HECTD2: variants seen among roughly 807,000 people sequenced by gnomAD.
HECTD2 encodes probable E3 ubiquitin-protein ligase HECTD2.
A neutral mutation model predicts 103.2 loss-of-function variants in HECTD2; 35 were observed. The observed-to-expected ratio is 0.34, with a 90% CI of 0.26 to 0.45. The LOEUF is 0.45. Ranked by LOEUF, HECTD2 falls within the 20% of genes least tolerant of loss-of-function variation. The pLI, the probability that HECTD2 is intolerant of heterozygous loss-of-function variation, is 1.00. For missense variants in HECTD2, 596 were observed against 937.4 expected, an observed-to-expected ratio of 0.64 and a Z score of 4.76; for synonymous variants, 281 against 329.9, an observed-to-expected ratio of 0.85 and a Z score of 1.61.
In HECTD2 at chr10:91,492,512, CTG is replaced by C. The variant is rs1189963613; in HGVS notation, c.1432+32_1432+33del. On this transcript the variant is annotated intron_variant, in intron 13 of 20. Coordinates refer to ENST00000298068, the MANE Select transcript of HECTD2 (RefSeq NM_182765.6). Reference sequence around the variant, plus strand: ...AAGTATGTAATCTAATTTTTATAAACTGTGTTTCTTCATAATTGTTAGAGTGA... The same window carrying C: ...AAGTATGTAATCTAATTTTTATAAACTGTTTCTTCATAATTGTTAGAGTGA... The C allele has an allele frequency of 7.1e-6, 11 of 1,544,136 alleles. No homozygotes were observed. In the Admixed American group the frequency reaches 8.7e-5, roughly 12 times the overall value.
intron 2 of HECTD2, among the ~76,000 whole-genome samples, chr10:91,440,046 C>A (rs1036005460): frequency 6.6e-6 from 1 of 152,074 alleles, no homozygotes; most frequent in African/African-American, 2.4e-5. Flanking sequence ...AATTTGACTT[C>A]CTCTCTTCCT....
At chr10:91,444,506 G>A (rs886680631) in intron 2 of HECTD2, among the ~76,000 whole-genome samples, 1 of 152,128 alleles carries the variant, frequency 6.6e-6, no homozygotes, top group Non-Finnish European at 1.5e-5. Context: ...AATGGAACTT[G>A]AATTAGAAAG....
intron 20 of HECTD2, among the ~76,000 whole-genome samples, chr10:91,502,612 A>T (rs548281985): frequency 1.3e-5 from 2 of 152,132 alleles, no homozygotes; most frequent in East Asian, 1.9e-4. Flanking sequence ...AAATATTTAC[A>T]TATATAATTA....
Position 91,492,332 on chromosome 10 carries a change from TG to T in HECTD2, c.1300-19del. On this transcript the variant is annotated intron_variant, in intron 12 of 20. Transcript: ENST00000298068. ...TTCACTGCTCTTTGTTCTCCTCTAC[TG>T]TATAATATCTTCAAATAGCTAACCC... 6.2e-7 allele frequency: 1 copy of T among 1,605,596 alleles called. No homozygotes were observed. The highest frequency in any genetic ancestry group is 1.1e-5 in the South Asian group (1 of 90,522).
chr10:91,452,162 A>G (rs1390577176), intron 2 of HECTD2, among the ~76,000 whole-genome samples: 2 of 152,136 alleles, frequency 1.3e-5, no homozygotes, highest in East Asian at 1.9e-4. Context: ...AAAAGGTGTT[A>G]CAGTCCTATT....
intron 2 of HECTD2, among the ~76,000 whole-genome samples, chr10:91,428,308 C>G (rs955513382): frequency 2.7e-5 from 4 of 147,910 alleles, no homozygotes; most frequent in African/African-American, 1.0e-4. Context: ...AGTCAGGTAG[C>G]GTGATGCCTC....
intron 2 of HECTD2, among the ~76,000 whole-genome samples, chr10:91,438,848 A>G (rs538702742): frequency 6.6e-6 from 1 of 152,076 alleles, no homozygotes; most frequent in East Asian, 1.9e-4. Context: ...GCTTTTTTTC[A>G]TATGTTTGTT....
chr10:91,498,711 C>A (rs2133343795), intron 16 of HECTD2, among the ~76,000 whole-genome samples, 161 bp from the exon 17 acceptor site: 1 of 152,192 alleles, frequency 6.6e-6, no homozygotes, highest in Non-Finnish European at 1.5e-5. Flanking sequence ...CTTTTATGAT[C>A]CCTCGTTCTT....
At chr10:91,416,468 A>G (rs554858842) in intron 1 of HECTD2, among the ~76,000 whole-genome samples, 1 of 152,326 alleles carries the variant, frequency 6.6e-6, no homozygotes, top group African/African-American at 2.4e-5. Flanking sequence ...ACAGTTGTCT[A>G]CAGTATTCAG....
intron 1 of HECTD2, among the ~76,000 whole-genome samples, chr10:91,422,116 C>T (rs918001287): frequency 1.3e-5 from 2 of 152,050 alleles, no homozygotes; most frequent in Non-Finnish European, 2.9e-5. Context: ...TCATATCTTG[C>T]TTAGAAGTCC....
chr10:91,451,069 C>T (rs1337095676), intron 2 of HECTD2, among the ~76,000 whole-genome samples: 1 of 152,108 alleles, frequency 6.6e-6, no homozygotes, highest in East Asian at 1.9e-4. Context: ...GACACATGCA[C>T]ACATATGTTT....
At chr10:91,441,905 TTTC>T (rs1844406503) in intron 2 of HECTD2, among the ~76,000 whole-genome samples, 2 of 131,884 alleles carry the variant, frequency 1.5e-5, no homozygotes, top group African/African-American at 3.8e-5. Flanking sequence ...TTTTTTTTTT[TTTC>T]TTTTTTTTTT....
In HECTD2 at chr10:91,512,368, G is replaced by A; in HGVS notation, c.2315G>A (p.Gly772Asp). ...ATCATTGGAATTTCAAATTCAGAAG[G>A]TTTTGGACTTGAGTAACCTAGAAGA... ...KLIIGISNSE[G>D]FGLE The change falls in exon 21 of 21, where the codon GGT (glycine) becomes GAT (aspartate). Residue 772 changes from glycine (G) to aspartate (D), a missense_variant. Transcript: ENST00000298068. The A allele has an allele frequency of 6.2e-7, 1 of 1,613,412 alleles. No homozygotes were observed.
At chr10:91,458,075 T>G (rs1845188461) in intron 2 of HECTD2, among the ~76,000 whole-genome samples, 1 of 145,328 alleles carries the variant, frequency 6.9e-6, no homozygotes, top group Non-Finnish European at 1.5e-5. Context: ...CTAGAATTAA[T>G]AAGTGAGTTC....
chr10:91,474,696 A>ACAT (rs1845843816), intron 5 of HECTD2, among the ~76,000 whole-genome samples: 1 of 152,228 alleles, frequency 6.6e-6, no homozygotes, highest in Non-Finnish European at 1.5e-5. Flanking sequence ...AGCTCTAAGT[A>ACAT]GCTTATATTC....
intron 2 of HECTD2, among the ~76,000 whole-genome samples, chr10:91,428,314 G>A (rs1232145956): frequency 5.9e-5 from 9 of 151,340 alleles, no homozygotes; most frequent in African/African-American, 1.7e-4. Flanking sequence ...GTAGCGTGAT[G>A]CCTCCAGCTT....
intron 14 of HECTD2, among the ~76,000 whole-genome samples, chr10:91,494,395 G>A (rs1245328017): frequency 1.3e-5 from 2 of 151,988 alleles, no homozygotes; most frequent in Non-Finnish European, 1.5e-5. Flanking sequence ...AGAGAATGGT[G>A]AGAATAAAAA....
intron 2 of HECTD2, among the ~76,000 whole-genome samples, chr10:91,445,797 C>T (rs945411715): frequency 6.6e-5 from 10 of 152,084 alleles, no homozygotes; most frequent in African/African-American, 2.4e-4. Context: ...AGAAATCCCT[C>T]CCCTAGCCAA....
At chr10:91,444,840 A>G (rs2133125649) in intron 2 of HECTD2, among the ~76,000 whole-genome samples, 1 of 152,296 alleles carries the variant, frequency 6.6e-6, no homozygotes, top group Middle Eastern at 3.4e-3. Context: ...AAGCCAAAAT[A>G]TATTTATCAG....
Sources: allele counts gnomAD v4.1 joint callset (sites outside exome capture counted in the v4.1 genomes callset), GRCh38; gene constraint gnomAD v4.1.1; transcripts MANE v1.5; gene names NCBI Gene and HGNC (gene_info 2026-07-23, HGNC 2026-07-21).